Variants in TRIM54 observed in about 807,000 individuals in gnomAD.
TRIM54 encodes the protein tripartite motif containing 54.
In TRIM54, 40 loss-of-function variants were observed where a neutral mutation model predicts 42.0. The observed-to-expected ratio is 0.95, with a 90% CI of 0.74 to 1.24. The LOEUF (loss-of-function observed/expected upper bound fraction) is 1.24, where lower values mean the gene tolerates loss of function less well. Ranked by LOEUF, TRIM54 falls within the 50% of genes most tolerant of loss-of-function variation. The probability of loss-of-function intolerance (pLI) is 0.00; values close to 1 mark genes in which losing one functional copy is unlikely to be tolerated. For missense variants in TRIM54, 485 were observed against 480.3 expected, an observed-to-expected ratio of 1.01 and a Z score of -0.09; for synonymous variants, 199 against 194.9, an observed-to-expected ratio of 1.02 and a Z score of -0.17.
At chr2:27,290,722 T>C (rs1178929615) in intron 1 of TRIM54, among the ~76,000 whole-genome samples, 2 of 152,254 alleles carry the variant, frequency 1.3e-5, no homozygotes, top group Non-Finnish European at 2.9e-5. Context: ...TGTAATGCGA[T>C]ATGAAAACAG....
chr2:27,299,458 C>A, intron 3 of TRIM54, 42 bp downstream of exon 3: 1 of 1,602,118 alleles, frequency 6.2e-7, no homozygotes, highest in East Asian at 2.2e-5. Flanking sequence ...GAGATGGGGG[C>A]TTAGGACAGG....
rs1206139132 is a variant in TRIM54 at position 27,295,927 on chromosome 2, A to C, written c.169-2640A>C. Among the ~76,000 whole-genome samples the C allele has an allele frequency of 2.6e-5, 4 of 152,218 alleles. No homozygotes were observed. The East Asian group carries it at 5.8e-4, about 22-fold the overall frequency. ...TACACTTTAACGCATTCCCTAAACT[A>C]AACTCAACAATATTCATACATTTCT... is the stretch of plus-strand genomic sequence containing the variant. On this transcript the variant is annotated intron_variant, in intron 1 of 8. Coordinates refer to ENST00000380075, the MANE Select transcript of TRIM54 (RefSeq NM_187841.3).
At chr2:27,304,221 TATATAG>T (rs1679116169) in intron 3 of TRIM54, among the ~76,000 whole-genome samples, 1 of 124,226 alleles carries the variant, frequency 8.0e-6, no homozygotes, top group Admixed American at 9.6e-5. Context: ...CAAATATATA[TATATAG>T]ATAGATAGAT....
intron 3 of TRIM54, chr2:27,304,632 G>A (rs1190034877): frequency 3.9e-6 from 1 of 254,984 alleles, no homozygotes; most frequent in African/African-American, 2.2e-5. Flanking sequence ...TTATGCCAAT[G>A]GATAATCTTG....
rs1184032346 is a variant in TRIM54, at chr2:27,290,191, TA to T, written c.168+7300del. Among the ~76,000 whole-genome samples, 8 of 151,992 alleles carry T rather than the reference TA, an allele frequency of 5.3e-5. No homozygotes were observed. The East Asian group carries it at 5.8e-4, about 11-fold the overall frequency. On this transcript the variant is annotated intron_variant, in intron 1 of 8. Transcript: ENST00000380075. ...TATCTTTTTAAGAGACACTATCTCTTAAAAAAAATTTTTTTAATTAAAAAGT... is the reference window on the plus strand; with the variant it reads ...TATCTTTTTAAGAGACACTATCTCTTAAAAAAATTTTTTTAATTAAAAAGT...
At chr2:27,296,641 C>G (rs1008387751) in intron 1 of TRIM54, among the ~76,000 whole-genome samples, 1 of 152,130 alleles carries the variant, frequency 6.6e-6, no homozygotes, top group Admixed American at 6.5e-5. Flanking sequence ...GGGCATGCCC[C>G]TCCCATGAAA....
At chr2:27,285,980 A>C (rs907228138) in intron 1 of TRIM54, among the ~76,000 whole-genome samples, 1 of 152,058 alleles carries the variant, frequency 6.6e-6, no homozygotes, top group Admixed American at 6.6e-5. Flanking sequence ...TGTAATCCCA[A>C]CACTTTGGGA....
intron 3 of TRIM54, among the ~76,000 whole-genome samples, chr2:27,301,908 C>T (rs1342818492): frequency 6.6e-6 from 1 of 152,130 alleles, no homozygotes; most frequent in Non-Finnish European, 1.5e-5. Flanking sequence ...AATCATAGCA[C>T]TTTAAGAGGC....
chr2:27,291,446 C>G, intron 1 of TRIM54, among the ~76,000 whole-genome samples: 1 of 150,678 alleles, frequency 6.6e-6, no homozygotes, highest in Admixed American at 6.6e-5. Flanking sequence ...GAAAAATTGT[C>G]AGTTTTTTGT....
chr2:27,306,528 C>A lies in TRIM54; in HGVS notation c.1064C>A (p.Pro355Gln), dbSNP rs779177924. 3 of 1,555,790 alleles carry A rather than the reference C, an allele frequency of 1.9e-6. No individual in the cohort carries two copies. The highest frequency in any genetic ancestry group is 2.7e-5 in the African/African-American group (2 of 73,472). The change falls in exon 8 of 9, where the codon CCG becomes CAG. Residue 355 changes from proline (P) to glutamine (Q), a missense_variant. Pro to Gln is a moderately conservative substitution (Grantham distance 76). Transcript: ENST00000380075. The surrounding 1 kb of genome is among the most constrained non-coding windows in gnomAD (Gnocchi z 6.1). ...AGCGCGGGGCCGGAGGAAGAGCGGC[C>A]GGATGGGCCTTAAGGTGAGAGCCGC... is the stretch of plus-strand genomic sequence containing the variant. ...EGSAGPEEER[P>Q]DGP is the part of the protein sequence containing the mutation.
chr2:27,299,498 T>C (rs1170595300), intron 3 of TRIM54, 82 bp downstream of exon 3: 7 of 1,553,500 alleles, frequency 4.5e-6, no homozygotes, highest in East Asian at 2.4e-5. Context: ...ACTCCACTTA[T>C]CTTTTGTTTA....
At position 27,297,605 on chromosome 2, in the gene TRIM54, A is replaced by G. The variant is rs763945393; in HGVS notation, c.169-962A>G. 9.4e-4 allele frequency among the ~76,000 whole-genome samples: 143 copies of G among 152,318 alleles called. 1 individual carries two copies. Among genetic ancestry groups the G allele is most frequent in the Non-Finnish European group, 1.8e-3 (121 of 68,020 alleles). On this transcript the variant is annotated intron_variant, in intron 1 of 8. Coordinates refer to ENST00000380075, the MANE Select transcript of TRIM54 (RefSeq NM_187841.3). Reference sequence around the variant, plus strand: ...TGCATTTTCTTTGTATCTTTAACTCAGAGTCCAGCAACTACCTGGCACACT... The same window carrying G: ...TGCATTTTCTTTGTATCTTTAACTCGGAGTCCAGCAACTACCTGGCACACT...
At chr2:27,305,468 C>T (rs1463179211) in intron 4 of TRIM54, 116 bp from the exon 5 acceptor site, 1 of 809,848 alleles carries the variant, frequency 1.2e-6, no homozygotes, top group Non-Finnish European at 2.0e-6. Context: ...GCCACTAACT[C>T]ACAGTGTCAC....
chr2:27,304,285 T>C (rs147681185), intron 3 of TRIM54, among the ~76,000 whole-genome samples: 1,522 of 141,960 alleles, frequency 0.011, 34 homozygotes, highest in African/African-American at 0.038. Flanking sequence ...TATAGATAGA[T>C]AGATATAAAA....
chr2:27,293,456 C>T (rs550904306), intron 1 of TRIM54, among the ~76,000 whole-genome samples: 7 of 152,244 alleles, frequency 4.6e-5, no homozygotes, highest in South Asian at 2.1e-4. Context: ...CATAGAGGCC[C>T]ACACAGGTCC....
chr2:27,299,326 T>C lies in TRIM54; in HGVS notation c.423T>C (p.Cys141=). 6.2e-7 allele frequency: 1 copy of C among 1,614,130 alleles called. No homozygotes were observed. The change falls in exon 3 of 9, where the codon TGT becomes TGC. Residue 141 remains cysteine, a synonymous_variant. Transcript: ENST00000380075. ...AGATCAATATTTACTGCCTGAGCTG[T>C]GAGGTGCCCACCTGCTCTCTCTGCA... ...EEKINIYCLS[C]EVPTCSLCKV... is the part of the protein sequence containing the mutation.
At chr2:27,299,604 G>A (rs1361127292) in intron 3 of TRIM54, 188 bp downstream of exon 3, 18 of 1,262,360 alleles carry the variant, frequency 1.4e-5, no homozygotes, top group Non-Finnish European at 1.9e-5. Context: ...TTGATCTCCC[G>A]AGCTCAAGTG....
rs187614996 is a variant in TRIM54, at chr2:27,291,076, A to G, written c.169-7491A>G. ...ATTTTAAAACACTCACTTTTAGGCT[A>G]GGTGCACTGGCTCACACCTATAATC... On this transcript the variant is annotated intron_variant, in intron 1 of 8. Transcript: ENST00000380075. Among the ~76,000 whole-genome samples the G allele has an allele frequency of 6.3e-4, 96 of 152,304 alleles. 1 individual carries two copies. The highest frequency in any genetic ancestry group is 1.8e-4 in the Non-Finnish European group (12 of 68,030).
intron 1 of TRIM54, among the ~76,000 whole-genome samples, chr2:27,293,249 T>C (rs1259744488): frequency 1.3e-5 from 2 of 152,226 alleles, no homozygotes; most frequent in Non-Finnish European, 2.9e-5. Flanking sequence ...ACTGTGTTTA[T>C]CTTGGCTTTC....
Sources: allele counts gnomAD v4.1 joint callset (sites outside exome capture counted in the v4.1 genomes callset), GRCh38; gene constraint gnomAD v4.1.1; non-coding constraint Gnocchi (gnomAD v3.1); transcripts MANE v1.5; gene names NCBI Gene and HGNC (gene_info 2026-07-23, HGNC 2026-07-21).